FRMD4A: variants seen among roughly 807,000 people sequenced by gnomAD.
The protein encoded by FRMD4A is FERM domain containing 4A.
FRMD4A carries 29 observed loss-of-function variants against 129.1 expected under a neutral mutation model. The ratio of observed to expected loss-of-function variants is 0.22; its 90% CI spans 0.17 to 0.31. The LOEUF is 0.31. Ranked by LOEUF, FRMD4A falls within the 10% of genes least tolerant of loss-of-function variation. FRMD4A has a pLI of 1.00. For missense variants in FRMD4A, 1,272 were observed against 1,375.8 expected, an observed-to-expected ratio of 0.92 and a Z score of 1.19; for synonymous variants, 634 against 571.6, an observed-to-expected ratio of 1.11 and a Z score of -1.56.
At chr10:14,167,708 C>T (rs1234964596) in intron 2 of FRMD4A, among the ~76,000 whole-genome samples, 2 of 152,078 alleles carry the variant, frequency 1.3e-5, no homozygotes, top group Non-Finnish European at 1.5e-5. Flanking sequence ...TAGCCCCATC[C>T]TGGGGCTTCA....
At chr10:13,843,021 C>A (rs1306242582) in intron 3 of FRMD4A, among the ~76,000 whole-genome samples, 1 of 152,170 alleles carries the variant, frequency 6.6e-6, no homozygotes, top group Admixed American at 6.5e-5. Flanking sequence ...TCTCTGAAAT[C>A]AAAAAGTCTG....
chr10:13,976,789 G>A (rs1032898495), intron 2 of FRMD4A, among the ~76,000 whole-genome samples: 2 of 152,150 alleles, frequency 1.3e-5, no homozygotes. Flanking sequence ...ATCATTCAGG[G>A]ATTATTTATT....
intron 2 of FRMD4A, among the ~76,000 whole-genome samples, chr10:14,199,095 C>G (rs961836294): frequency 6.6e-6 from 1 of 152,006 alleles, no homozygotes; most frequent in Admixed American, 6.6e-5. Flanking sequence ...CCTTTCTTAT[C>G]CAAAAAGCAA....
chr10:13,657,790 T>TTTTTTTTTTTTTG (rs2082299736), intron 21 of FRMD4A, among the ~76,000 whole-genome samples: 1 of 147,750 alleles, frequency 6.8e-6, no homozygotes, highest in African/African-American at 2.5e-5. Context: ...ATTTCTGGGT[T>TTTTTTTTTTTTTG]TTTTTTTTTT....
intron 2 of FRMD4A, among the ~76,000 whole-genome samples, chr10:14,315,014 T>C (rs1304637516): frequency 6.6e-6 from 1 of 152,192 alleles, no homozygotes; most frequent in African/African-American, 2.4e-5. Flanking sequence ...CACTTCTTTT[T>C]TGTCTTTCTT....
At chr10:13,927,401 C>T (rs1589297384) in intron 2 of FRMD4A, among the ~76,000 whole-genome samples, 1 of 152,270 alleles carries the variant, frequency 6.6e-6, no homozygotes, top group African/African-American at 2.4e-5. Context: ...CTCATGGCTG[C>T]CCATGAATCA....
At chr10:13,889,279 T>C (rs368001884) in intron 2 of FRMD4A, among the ~76,000 whole-genome samples, 4 of 152,190 alleles carry the variant, frequency 2.6e-5, no homozygotes, top group Non-Finnish European at 5.9e-5. Flanking sequence ...CTCCTTAAGG[T>C]TGACTCAAGA....
chr10:14,128,457 C>T (rs1266823027), intron 2 of FRMD4A, among the ~76,000 whole-genome samples: 3 of 152,140 alleles, frequency 2.0e-5, no homozygotes, highest in Non-Finnish European at 4.4e-5. Flanking sequence ...TCCCCTTCCA[C>T]TCAAATGTGA....
intron 12 of FRMD4A, among the ~76,000 whole-genome samples, chr10:13,723,099 T>A (rs1024467669): frequency 2.1e-5 from 3 of 141,220 alleles, no homozygotes; most frequent in African/African-American, 8.0e-5. Context: ...AGTTTTTATG[T>A]TGGTTAGCTA....
chr10:14,231,465 C>T (rs1378112215), intron 2 of FRMD4A, among the ~76,000 whole-genome samples: 1 of 151,826 alleles, frequency 6.6e-6, no homozygotes, highest in East Asian at 1.9e-4. Context: ...GTCTCAGCTT[C>T]CTGAGTAGCT....
intron 12 of FRMD4A, among the ~76,000 whole-genome samples, chr10:13,717,140 G>GA (rs1564679610): frequency 6.6e-6 from 1 of 152,024 alleles, no homozygotes. Flanking sequence ...GTCTTTCCTT[G>GA]AAAAAAAGCC....
chr10:13,711,536 T>C (rs2088021167), intron 12 of FRMD4A, among the ~76,000 whole-genome samples: 1 of 152,212 alleles, frequency 6.6e-6, no homozygotes, highest in Admixed American at 6.5e-5. Flanking sequence ...CAGGCACCCA[T>C]AATGATCATC....
At chr10:14,038,684 A>G (rs563744754) in intron 2 of FRMD4A, among the ~76,000 whole-genome samples, 156 of 152,358 alleles carry the variant, frequency 1.0e-3, no homozygotes, top group Admixed American at 2.8e-3. Flanking sequence ...GGCAGGCAAT[A>G]AAGGTCCTCA....
chr10:14,154,832 C>T (rs1260804621), intron 2 of FRMD4A, among the ~76,000 whole-genome samples: 1 of 152,194 alleles, frequency 6.6e-6, no homozygotes, highest in Non-Finnish European at 1.5e-5. Context: ...GCGAGAGGCC[C>T]TTAGCTTACA....
chr10:14,063,652 G>T (rs1020874175), intron 2 of FRMD4A, among the ~76,000 whole-genome samples: 5 of 151,836 alleles, frequency 3.3e-5, no homozygotes, highest in Non-Finnish European at 7.4e-5. Context: ...CTGGATGTCG[G>T]GCACACAGTT....
intron 2 of FRMD4A, among the ~76,000 whole-genome samples, chr10:14,137,989 G>C (rs1839633809): frequency 2.6e-5 from 4 of 152,154 alleles, no homozygotes; most frequent in Admixed American, 2.6e-4. Context: ...GCAAGTGTGT[G>C]CCTGCCCTTC....
intron 2 of FRMD4A, among the ~76,000 whole-genome samples, chr10:14,242,850 C>T (rs189398989): frequency 1.6e-4 from 24 of 152,250 alleles, no homozygotes; most frequent in African/African-American, 5.8e-4. Flanking sequence ...ATTAAAGATA[C>T]AATTACAGTA....
chr10:13,849,450 C>A (rs890857155), intron 3 of FRMD4A, among the ~76,000 whole-genome samples: 2 of 151,186 alleles, frequency 1.3e-5, no homozygotes, highest in Admixed American at 6.6e-5. Flanking sequence ...GGGGGGGATT[C>A]CTGCTTTACT....
rs1317467245 is a variant in FRMD4A at position 13,951,299 on chromosome 10, A to G, written c.46-92387T>C. Among the ~76,000 whole-genome samples, 4 of 152,046 alleles carry G rather than the reference A, an allele frequency of 2.6e-5. No homozygotes were observed. The South Asian group carries it at 6.2e-4, about 24-fold the overall frequency. On this transcript the variant is annotated intron_variant, in intron 2 of 24. Coordinates refer to ENST00000357447, the MANE Select transcript of FRMD4A (RefSeq NM_018027.5). ...CGGGGCGCCAGGAAGAGTGAGTTGCACCTGATGGCTAGTAGGGAAGGAAGG... is the reference window on the plus strand; with the variant it reads ...CGGGGCGCCAGGAAGAGTGAGTTGCGCCTGATGGCTAGTAGGGAAGGAAGG...
Sources: gnomAD v4.1 joint callset for allele counts (sites outside exome capture counted in the v4.1 genomes callset) on GRCh38, gnomAD v4.1.1 for gene constraint, MANE v1.5 for transcripts, NCBI Gene and HGNC (gene_info 2026-07-23, HGNC 2026-07-21) for gene names.